The following ERBB4 variants were observed in gnomAD, a reference collection of about 807,000 sequenced individuals.
ERBB4 encodes erb-b2 receptor tyrosine kinase 4.
Under a neutral mutation model 158.0 loss-of-function variants are expected in ERBB4, and 42 were observed. That is an observed-to-expected ratio of 0.27 (90% CI 0.21 to 0.34). The LOEUF (loss-of-function observed/expected upper bound fraction) is 0.34, where lower values mean the gene tolerates loss of function less well. Among genes scored for constraint, ERBB4 ranks in the 10% least tolerant of loss-of-function variants. ERBB4 has a pLI of 1.00. For synonymous variants in ERBB4, 583 were observed against 558.7 expected (o/e 1.04, Z -0.61); for missense variants, 1,333 against 1,624.1 (o/e 0.82, Z 3.08).
chr2:212,160,159 T>C (rs1266005093), intron 1 of ERBB4, among the ~76,000 whole-genome samples: 2 of 151,938 alleles, frequency 1.3e-5, no homozygotes, highest in East Asian at 3.9e-4. Flanking sequence ...CTTATGAACT[T>C]TGGGTTCAAC....
intron 1 of ERBB4, among the ~76,000 whole-genome samples, chr2:212,331,266 T>A (rs1254489371): frequency 6.6e-6 from 1 of 151,040 alleles, no homozygotes; most frequent in Non-Finnish European, 1.5e-5. Context: ...AAATAAGTCA[T>A]TATAATATAA....
chr2:212,501,917 T>C (rs1240250270), intron 1 of ERBB4, among the ~76,000 whole-genome samples: 1 of 152,128 alleles, frequency 6.6e-6, no homozygotes, highest in Non-Finnish European at 1.5e-5. Context: ...CTGGGGTTTC[T>C]GAAAGTTAAA....
chr2:212,372,478 G>A (rs1004847320), intron 1 of ERBB4, among the ~76,000 whole-genome samples: 8 of 152,062 alleles, frequency 5.3e-5, no homozygotes, highest in Non-Finnish European at 1.0e-4. Flanking sequence ...GGCCAGGCGC[G>A]GTGGCTCACA....
intron 3 of ERBB4, among the ~76,000 whole-genome samples, chr2:211,827,525 G>A (rs931418160): frequency 4.0e-5 from 6 of 151,344 alleles, no homozygotes; most frequent in African/African-American, 1.2e-4. Context: ...TTCATGTTGG[G>A]ATTTTATTTT....
At chr2:212,089,539 T>C (rs1273198265) in intron 2 of ERBB4, among the ~76,000 whole-genome samples, 1 of 152,180 alleles carries the variant, frequency 6.6e-6, no homozygotes, top group African/African-American at 2.4e-5. Context: ...TTCTTGGTAC[T>C]GAATAGTGAG....
chr2:211,824,658 A>T lies in ERBB4; in HGVS notation c.422-36499T>A, dbSNP rs139252790. Among the ~76,000 whole-genome samples the T allele has an allele frequency of 3.1e-3, 461 of 147,094 alleles. 3 individuals are homozygous for T. In the Middle Eastern group the frequency reaches 0.035, roughly 11 times the overall value. Reference sequence around the variant, plus strand: ...ATGTATTATAATAGAAGGAATATATATTTACAATAGAAAAGAAATGAACTT... The same window carrying T: ...ATGTATTATAATAGAAGGAATATATTTTTACAATAGAAAAGAAATGAACTT... On this transcript the variant is annotated intron_variant, in intron 3 of 27. Coordinates refer to ENST00000342788, the MANE Select transcript of ERBB4 (RefSeq NM_005235.3).
At chr2:211,888,660 G>T (rs926391477) in intron 3 of ERBB4, among the ~76,000 whole-genome samples, 15 of 152,100 alleles carry the variant, frequency 9.9e-5, no homozygotes, top group Non-Finnish European at 1.9e-4. Context: ...ACTAGGGAGT[G>T]CCAGACAGTG....
At position 212,102,087 on chromosome 2, in the gene ERBB4, ATT is replaced by A. The variant is rs1491551558; in HGVS notation, c.234+22663_234+22664del. ...AGAAAATCATATACGTTGAAAATTT[ATT>A]TTATATATATATATATATATATATG... On this transcript the variant is annotated intron_variant, in intron 2 of 27. Transcript: ENST00000342788. 2.4e-3 allele frequency among the ~76,000 whole-genome samples: 84 copies of A among 35,500 alleles called. 1 individual carries two copies. Among genetic ancestry groups the A allele is most frequent in the South Asian group, 0.012 (11 of 946 alleles). 23.3% of individuals were successfully genotyped at this position (35,500 alleles called of 152,430 possible).
rs552996420 is a variant in ERBB4 at position 212,283,168 on chromosome 2, T to A, written c.83-158265A>T. Among the ~76,000 whole-genome samples the A allele has an allele frequency of 3.3e-5, 5 of 152,066 alleles. No homozygotes were observed. The South Asian group carries it at 1.0e-3, about 32-fold the overall frequency. ...ACCAAACCACAAACAATCTAGAACA[T>A]GCCCACAGAACAATTCTTTGTTTGT... On this transcript the variant is annotated intron_variant, in intron 1 of 27. Transcript: ENST00000342788.
At chr2:211,769,657 TGTGGCCAAA>T (rs2075642143) in intron 4 of ERBB4, among the ~76,000 whole-genome samples, 1 of 152,182 alleles carries the variant, frequency 6.6e-6, no homozygotes, top group Admixed American at 6.5e-5. Flanking sequence ...GCCTTCAGTC[TGTGGCCAAA>T]GTGGCCAAAG....
At chr2:211,935,702 A>G (rs1312868680) in intron 3 of ERBB4, among the ~76,000 whole-genome samples, 1 of 152,130 alleles carries the variant, frequency 6.6e-6, no homozygotes, top group Non-Finnish European at 1.5e-5. Context: ...CTCAGCCTCC[A>G]TAATTGCATC....
chr2:211,619,268 C>A lies in ERBB4; in HGVS notation c.2210G>T (p.Trp737Leu), dbSNP rs748263203. 1 of 1,602,588 alleles carries A rather than the reference C, an allele frequency of 6.2e-7. No individual in the cohort carries two copies. The highest frequency in any genetic ancestry group is 1.1e-5 in the South Asian group (1 of 90,862). The change falls in exon 19 of 28, where the codon TGG becomes TTG. Residue 737 changes from tryptophan (W) to leucine (L), a missense_variant. This residue lies in a region of ERBB4 where 314 missense variants were observed against 437.6 expected (regional missense o/e 0.72). Transcript: ENST00000342788. ...CTTCACAGTTTCTCCTTCAGGTACC[C>A]AAATACCCTTTGGGGAAAAAAATTT... The part of the protein sequence containing the change: ...GAFGTVYKGI[W>L]VPEGETVKIP...
chr2:212,251,325 A>C (rs1259814150), intron 1 of ERBB4, among the ~76,000 whole-genome samples: 1 of 152,022 alleles, frequency 6.6e-6, no homozygotes, highest in Non-Finnish European at 1.5e-5. Flanking sequence ...TTTATTTGAT[A>C]AACATTTATT....
chr2:212,263,420 C>T (rs958187815), intron 1 of ERBB4, among the ~76,000 whole-genome samples: 1 of 151,940 alleles, frequency 6.6e-6, no homozygotes, highest in Non-Finnish European at 1.5e-5. Flanking sequence ...TTTTTATATG[C>T]GTGCCTAAAA....
intron 2 of ERBB4, among the ~76,000 whole-genome samples, chr2:212,061,177 C>G (rs1355195278): frequency 6.6e-6 from 1 of 151,580 alleles, no homozygotes; most frequent in Admixed American, 6.6e-5. Context: ...GATATGGAGG[C>G]CCAGTGCAGT....
intron 1 of ERBB4, among the ~76,000 whole-genome samples, chr2:212,286,839 G>T (rs1382385279): frequency 7.8e-6 from 1 of 128,720 alleles, no homozygotes; most frequent in Non-Finnish European, 1.6e-5. Context: ...CCCAACTTCT[G>T]AACTCAAGCG....
intron 1 of ERBB4, among the ~76,000 whole-genome samples, chr2:212,232,703 C>T (rs116569249): frequency 0.041 from 6,249 of 152,144 alleles, 395 homozygotes; most frequent in African/African-American, 0.14. Flanking sequence ...CCACCACACC[C>T]GGCCGGGAGT....
intron 1 of ERBB4, among the ~76,000 whole-genome samples, chr2:212,473,183 G>A (rs57508789): frequency 3.9e-4 from 60 of 151,940 alleles, no homozygotes; most frequent in African/African-American, 1.4e-3. Context: ...AATTAATTTT[G>A]AATATGGTTT....
At chr2:212,132,958 G>T (rs2080152151) in intron 1 of ERBB4, among the ~76,000 whole-genome samples, 1 of 151,990 alleles carries the variant, frequency 6.6e-6, no homozygotes, top group South Asian at 2.1e-4. Context: ...TCCAAATAAA[G>T]AAAATAACAG....
Sources: allele counts gnomAD v4.1 joint callset (sites outside exome capture counted in the v4.1 genomes callset), GRCh38; gene constraint gnomAD v4.1.1; regional missense constraint gnomAD v4.1.1; transcripts MANE v1.5; gene names NCBI Gene and HGNC (gene_info 2026-07-23, HGNC 2026-07-21).